Variants in RBMS3 observed in about 807,000 individuals in gnomAD.
The protein encoded by RBMS3 is RNA-binding motif, single-stranded-interacting protein 3.
A neutral mutation model predicts 66.8 loss-of-function variants in RBMS3; 27 were observed. The observed-to-expected ratio is 0.40, with a 90% CI of 0.30 to 0.56. The LOEUF is 0.56. RBMS3 is among the 20% of genes least tolerant of loss of function. The pLI, the probability that RBMS3 is intolerant of heterozygous loss-of-function variation, is 0.40. For synonymous variants in RBMS3, 188 were observed against 183.0 expected, an observed-to-expected ratio of 1.03 and a Z score of -0.22; for missense variants, 513 against 549.5, an observed-to-expected ratio of 0.93 and a Z score of 0.66.
intron 1 of RBMS3, among the ~76,000 whole-genome samples, chr3:29,333,744 A>G (rs924246003): frequency 3.3e-5 from 5 of 152,182 alleles, no homozygotes; most frequent in Admixed American, 3.3e-4. Context: ...TGAATTCAGC[A>G]TCTTTAACAA....
chr3:29,635,052 ATCT>A (rs1345026046), intron 4 of RBMS3, among the ~76,000 whole-genome samples: 1 of 151,888 alleles, frequency 6.6e-6, no homozygotes, highest in East Asian at 1.9e-4. Flanking sequence ...AGTTTTACTA[ATCT>A]TCTATTGTAT....
intron 2 of RBMS3, among the ~76,000 whole-genome samples, chr3:29,444,130 C>A (rs2041729260): frequency 1.3e-5 from 2 of 151,976 alleles, no homozygotes; most frequent in Admixed American, 1.3e-4. Context: ...AAAATGGGAG[C>A]CATAAGCATT....
At chr3:29,514,003 A>G (rs1449417969) in intron 3 of RBMS3, among the ~76,000 whole-genome samples, 1 of 152,126 alleles carries the variant, frequency 6.6e-6, no homozygotes, top group African/African-American at 2.4e-5. Flanking sequence ...TTCTCTACCC[A>G]GGCTGGAGAA....
At chr3:29,744,064 A>G (rs2054763069) in intron 5 of RBMS3, among the ~76,000 whole-genome samples, 1 of 151,812 alleles carries the variant, frequency 6.6e-6, no homozygotes, top group African/African-American at 2.4e-5. Context: ...CACTGCTGAT[A>G]TGGGAACCAC....
intron 3 of RBMS3, among the ~76,000 whole-genome samples, chr3:29,581,580 GTTAAAC>G (rs1281954484): frequency 2.0e-5 from 3 of 152,164 alleles, no homozygotes; most frequent in South Asian, 2.1e-4. Flanking sequence ...ATCTTCAACT[GTTAAAC>G]TTAAGTAGAA....
At chr3:29,936,328 T>A in intron 11 of RBMS3, 132 bp downstream of exon 11, 2 of 867,330 alleles carry the variant, frequency 2.3e-6, no homozygotes, top group Non-Finnish European at 3.7e-6. Flanking sequence ...CAGGTTTCAG[T>A]ATGAATAAGC....
At chr3:29,855,154 T>A (rs1208221305) in intron 6 of RBMS3, among the ~76,000 whole-genome samples, 3 of 152,190 alleles carry the variant, frequency 2.0e-5, no homozygotes, top group African/African-American at 7.2e-5. Context: ...ATGCCAGATT[T>A]GGGATTGAGT....
intron 6 of RBMS3, among the ~76,000 whole-genome samples, chr3:29,825,850 A>G (rs546740390): frequency 3.3e-5 from 5 of 152,348 alleles, no homozygotes; most frequent in Admixed American, 6.5e-5. Flanking sequence ...ACTAATGTTA[A>G]CTAATTATTA....
intron 3 of RBMS3, among the ~76,000 whole-genome samples, chr3:29,551,901 C>G (rs527809648): frequency 6.6e-6 from 1 of 152,116 alleles, no homozygotes; most frequent in Admixed American, 6.6e-5. Flanking sequence ...GTTTGCCTTC[C>G]CATTCCCTGC....
At chr3:29,358,753 G>A (rs529633868) in intron 1 of RBMS3, among the ~76,000 whole-genome samples, 1 of 152,068 alleles carries the variant, frequency 6.6e-6, no homozygotes, top group East Asian at 1.9e-4. Flanking sequence ...CCTTGAAGAG[G>A]TCCTTCACAT....
At chr3:29,497,345 A>G (rs1422657565) in intron 3 of RBMS3, among the ~76,000 whole-genome samples, 2 of 152,128 alleles carry the variant, frequency 1.3e-5, no homozygotes, top group African/African-American at 4.8e-5. Flanking sequence ...TGAGGAATAT[A>G]AAACAGCTTA....
intron 2 of RBMS3, among the ~76,000 whole-genome samples, chr3:29,452,951 A>G (rs2042062252): frequency 6.6e-6 from 1 of 152,198 alleles, no homozygotes; most frequent in Non-Finnish European, 1.5e-5. Flanking sequence ...TAGCCTGAAA[A>G]TGTTTTAAAA....
intron 1 of RBMS3, among the ~76,000 whole-genome samples, chr3:29,377,394 TAAG>T (rs2038532487): frequency 6.6e-6 from 1 of 152,144 alleles, no homozygotes; most frequent in African/African-American, 2.4e-5. Context: ...TGATAACTAA[TAAG>T]AAGCCAAGGT....
At chr3:29,895,835 G>T (rs776526329) in intron 8 of RBMS3, among the ~76,000 whole-genome samples, 1 of 151,330 alleles carries the variant, frequency 6.6e-6, no homozygotes, top group Non-Finnish European at 1.5e-5. Context: ...GTAATGTTTT[G>T]CTTTCCCACT....
chr3:29,829,020 TTCTTTCTTTC>T (rs1383312149), intron 6 of RBMS3, among the ~76,000 whole-genome samples: 2 of 53,334 alleles, frequency 3.7e-5, no homozygotes, highest in African/African-American at 1.4e-4. Context: ...CTTTCTTTCT[TTCTTTCTTTC>T]TTTCTTTCTT....
At chr3:29,476,663 A>C (rs550136384) in intron 2 of RBMS3, among the ~76,000 whole-genome samples, 1 of 152,166 alleles carries the variant, frequency 6.6e-6, no homozygotes, top group Non-Finnish European at 1.5e-5. Context: ...CGTCTTATAC[A>C]TTTTTAGAAA....
chr3:29,851,323 A>G (rs1163097240), intron 6 of RBMS3, among the ~76,000 whole-genome samples: 2 of 152,190 alleles, frequency 1.3e-5, no homozygotes, highest in Admixed American at 6.5e-5. Context: ...CACAGGCTGC[A>G]ATCACTGAAG....
intron 14 of RBMS3, among the ~76,000 whole-genome samples, chr3:30,000,128 T>C (rs1699518543): frequency 6.6e-6 from 1 of 151,794 alleles, no homozygotes. Context: ...TGGGAGAAAA[T>C]GTTTGCAATC....
chr3:29,293,958 C>CT (rs1367046279), intron 1 of RBMS3, among the ~76,000 whole-genome samples: 2 of 148,738 alleles, frequency 1.3e-5, no homozygotes, highest in African/African-American at 2.5e-5. Flanking sequence ...TTTAATTTAT[C>CT]TTTTTTTGCT....
Sources: gnomAD v4.1 joint callset for allele counts (sites outside exome capture counted in the v4.1 genomes callset) on GRCh38, gnomAD v4.1.1 for gene constraint, MANE v1.5 for transcripts, NCBI Gene and HGNC (gene_info 2026-07-23, HGNC 2026-07-21) for gene names.